ZNF709: variants seen among roughly 807,000 people sequenced by gnomAD.
The protein encoded by ZNF709 is zinc finger protein 709.
A neutral mutation model predicts 10.6 loss-of-function variants in ZNF709; 15 were observed. The ratio of observed to expected loss-of-function variants is 1.41; its 90% CI spans 0.95 to 2.18. The LOEUF (loss-of-function observed/expected upper bound fraction) is 2.18. Among genes scored for constraint, ZNF709 ranks in the 30% most tolerant of loss-of-function variants. ZNF709 has a pLI of 0.00. For synonymous variants in ZNF709, 194 were observed against 238.8 expected (o/e 0.81, Z 1.73); for missense variants, 589 against 774.0 (o/e 0.76, Z 2.84).
chr19:12,469,227 G>C (rs138665342), intron 1 of ZNF709, among the ~76,000 whole-genome samples: 1 of 152,116 alleles, frequency 6.6e-6, no homozygotes, highest in African/African-American at 2.4e-5. Context: ...CAGAGGGCCC[G>C]TGCAACTTGC....
At position 12,465,606 on chromosome 19, in the gene ZNF709, C is replaced by T. The variant is rs1267556111; in HGVS notation, c.316G>A (p.Val106Met). The change falls in exon 4 of 4, where the codon GTG becomes ATG. Residue 106 changes from valine to methionine, a missense_variant. Physicochemically the swap from Val to Met is conservative, Grantham distance 21. Coordinates refer to ENST00000397732, the MANE Select transcript of ZNF709 (RefSeq NM_152601.4). ...FTRVKPYECS[V>M]CGKDYMCHSS... ...TGACACATATAGTCCTTTCCACACACACTACATTCATATGGTTTTACTCTA... is the reference window on the plus strand; with the variant it reads ...TGACACATATAGTCCTTTCCACACATACTACATTCATATGGTTTTACTCTA... 1 of 1,613,886 alleles carries T rather than the reference C, an allele frequency of 6.2e-7. No individual in the cohort carries two copies. Among genetic ancestry groups the T allele is most frequent in the South Asian group, 1.1e-5 (1 of 91,028 alleles).
At chr19:12,472,763 A>G (rs748804436) in intron 1 of ZNF709, among the ~76,000 whole-genome samples, 6 of 151,750 alleles carry the variant, frequency 4.0e-5, no homozygotes, top group Admixed American at 2.0e-4. Context: ...CGGGCCTGTA[A>G]TCCTGGCTAC....
At chr19:12,475,721 GGAGGA>G (rs1181885285) in intron 1 of ZNF709, among the ~76,000 whole-genome samples, 3 of 152,126 alleles carry the variant, frequency 2.0e-5, no homozygotes, top group East Asian at 1.9e-4. Context: ...AGAGGAGAGG[GGAGGA>G]GAGGAGAGAA....
intron 1 of ZNF709, among the ~76,000 whole-genome samples, chr19:12,472,827 G>A (rs1184484780): frequency 1.3e-5 from 2 of 151,874 alleles, no homozygotes; most frequent in Admixed American, 6.6e-5. Flanking sequence ...AGGTTGCAGT[G>A]AGCCACGATC....
intron 1 of ZNF709, among the ~76,000 whole-genome samples, chr19:12,469,795 A>T (rs1307622577): frequency 6.6e-6 from 1 of 151,932 alleles, no homozygotes; most frequent in Non-Finnish European, 1.5e-5. Context: ...GTCTTCAAAA[A>T]ATCCCCACAC....
At chr19:12,466,187 C>T (rs1304063850) in intron 3 of ZNF709, among the ~76,000 whole-genome samples, 1 of 152,144 alleles carries the variant, frequency 6.6e-6, no homozygotes, top group Non-Finnish European at 1.5e-5. Flanking sequence ...GTGATCTGCC[C>T]ACCTTGGCCT....
intron 1 of ZNF709, among the ~76,000 whole-genome samples, chr19:12,476,329 C>T: frequency 6.6e-6 from 1 of 151,274 alleles, no homozygotes. Context: ...GAGGTTGAGG[C>T]TGCAGTGAGC....
chr19:12,468,686 TC>T (rs1333317592), intron 1 of ZNF709, among the ~76,000 whole-genome samples: 3 of 123,194 alleles, frequency 2.4e-5, no homozygotes, highest in Admixed American at 1.7e-4. Flanking sequence ...CCAAGAATGA[TC>T]AATAAAAAAA....
intron 1 of ZNF709, among the ~76,000 whole-genome samples, chr19:12,478,894 C>G (rs1333549270): frequency 1.3e-5 from 2 of 152,084 alleles, no homozygotes; most frequent in African/African-American, 4.8e-5. Context: ...ATGTGCACAG[C>G]CAAAATCAAA....
intron 1 of ZNF709, among the ~76,000 whole-genome samples, chr19:12,475,063 G>C (rs905109029): frequency 3.3e-5 from 5 of 151,862 alleles, no homozygotes; most frequent in Non-Finnish European, 5.9e-5. Context: ...TTGGACACCA[G>C]CCTGTCCAAA....
intron 1 of ZNF709, among the ~76,000 whole-genome samples, chr19:12,480,775 G>A (rs959070203): frequency 1.3e-5 from 2 of 151,482 alleles, no homozygotes; most frequent in African/African-American, 2.4e-5. Flanking sequence ...AGGTTTTTTC[G>A]TTTTTGTTTT....
intron 1 of ZNF709, among the ~76,000 whole-genome samples, chr19:12,467,786 G>T (rs1025683280): frequency 6.6e-6 from 1 of 151,188 alleles, no homozygotes; most frequent in Admixed American, 6.6e-5. Flanking sequence ...GCCTCTGCCC[G>T]GCCGCGACCC....
At chr19:12,478,041 C>A (rs1270648306) in intron 1 of ZNF709, among the ~76,000 whole-genome samples, 1 of 152,146 alleles carries the variant, frequency 6.6e-6, no homozygotes, top group Non-Finnish European at 1.5e-5. Context: ...GCCCTATAAT[C>A]CTGAGGGTCA....
At position 12,464,565 on chromosome 19, in the gene ZNF709, A is replaced by G; in HGVS notation, c.1357T>C (p.Cys453Arg). ...CTGGAACAACTGAAGGCTTTACCAC[A>G]CTGTTTACATTCATAGGGTTTCTCT... is the stretch of plus-strand genomic sequence containing the variant. ...TGEKPYECKQ[C>R]GKAFSCSSSF... Residue 453 changes from cysteine to arginine, a missense_variant, in exon 4 of 4, where the codon TGT becomes CGT. Cys to Arg is a radical substitution (Grantham distance 180, BLOSUM62 -3). This residue lies in a region of ZNF709 where 171 missense variants were observed against 277.7 expected (regional missense o/e 0.62). Transcript: ENST00000397732. 1 of 1,612,632 alleles carries G rather than the reference A, an allele frequency of 6.2e-7. No individual in the cohort carries two copies. The highest frequency in any genetic ancestry group is 8.5e-7 in the Non-Finnish European group (1 of 1,179,434).
In ZNF709 at chr19:12,464,861, T is replaced by C; in HGVS notation, c.1061A>G (p.His354Arg). 6.2e-7 allele frequency: 1 copy of C among 1,614,106 alleles called. No homozygotes were observed. Among genetic ancestry groups the C allele is most frequent in the Non-Finnish European group, 8.5e-7 (1 of 1,179,978 alleles). ...TCCATTTCCAGTGTGCATTATCATATGTCTTCGATAGCTTGGAAGAGAAAT... is the reference window on the plus strand; with the variant it reads ...TCCATTTCCAGTGTGCATTATCATACGTCTTCGATAGCTTGGAAGAGAAAT... The part of the protein sequence containing the change: ...AFISLPSYRR[H>R]MIMHTGNGPY... Residue 354 changes from histidine (H) to arginine (R), a missense_variant, in exon 4 of 4, where the codon CAT (histidine) becomes CGT (arginine). This residue lies in a region of ZNF709 where 418 missense variants were observed against 496.3 expected (regional missense o/e 0.84). Transcript: ENST00000397732.
intron 1 of ZNF709, among the ~76,000 whole-genome samples, chr19:12,468,013 CGGGA>C (rs1403973707): frequency 6.6e-6 from 1 of 150,986 alleles, no homozygotes; most frequent in African/African-American, 2.4e-5. Flanking sequence ...CCGCCCCGTC[CGGGA>C]GGGAGGTGGG....
chr19:12,468,119 G>A (rs558616497), intron 1 of ZNF709, among the ~76,000 whole-genome samples: 47 of 146,266 alleles, frequency 3.2e-4, no homozygotes, highest in African/African-American at 1.2e-3. Context: ...GGAGGTGGGG[G>A]GCGCCTCTGC....
chr19:12,464,748 A>G lies in ZNF709; in HGVS notation c.1174T>C (p.Tyr392His). The G allele has an allele frequency of 6.2e-7, 1 of 1,613,338 alleles. No individual in the cohort carries two copies. The highest frequency in any genetic ancestry group is 1.1e-5 in the South Asian group (1 of 90,960). ...HERTHTGEKP[Y>H]ECKQCGKAFS... ...GCTTTACCACACTGTTTACATTCATAGGGTTTCTCTCCAGTGTGAGTTCGT... is the reference window on the plus strand; with the variant it reads ...GCTTTACCACACTGTTTACATTCATGGGGTTTCTCTCCAGTGTGAGTTCGT... The change falls in exon 4 of 4, where the codon TAT becomes CAT. Residue 392 changes from tyrosine to histidine, a missense_variant. Tyr to His is a moderately conservative substitution (Grantham distance 83). Transcript: ENST00000397732.
chr19:12,480,408 G>A (rs1254744758), intron 1 of ZNF709, among the ~76,000 whole-genome samples: 1 of 152,158 alleles, frequency 6.6e-6, no homozygotes, highest in Non-Finnish European at 1.5e-5. Context: ...TTCAGGCCAG[G>A]TGCAGTGGCT....
Sources: gnomAD v4.1 joint callset for allele counts (sites outside exome capture counted in the v4.1 genomes callset) on GRCh38, gnomAD v4.1.1 for gene constraint, gnomAD v4.1.1 regional missense constraint, MANE v1.5 for transcripts, NCBI Gene and HGNC (gene_info 2026-07-23, HGNC 2026-07-21) for gene names.